Variants in SPAG16 observed in about 807,000 individuals in gnomAD.
The protein encoded by SPAG16 is sperm-associated antigen 16 protein.
In SPAG16, 86 loss-of-function variants were observed where a neutral mutation model predicts 80.4. The ratio of observed to expected loss-of-function variants is 1.07; its 90% CI spans 0.90 to 1.28. The LOEUF is 1.28. SPAG16 is among the 50% of genes most tolerant of loss of function. The pLI is 0.00. For missense variants in SPAG16, 870 were observed against 765.3 expected (o/e 1.14, Z -1.61); for synonymous variants, 294 against 265.9 (o/e 1.11, Z -1.03).
chr2:214,163,436 A>G lies in SPAG16; in HGVS notation c.1720+14170A>G, dbSNP rs182233243. ...TCATAATAGTTGCATTGTTTCCTAC[A>G]TCAGTATGCTTGCTTAGAAAAATTT... On this transcript the variant is annotated intron_variant, in intron 15 of 15. Coordinates refer to ENST00000331683, the MANE Select transcript of SPAG16 (RefSeq NM_024532.5). 1.7e-4 allele frequency among the ~76,000 whole-genome samples: 26 copies of G among 151,784 alleles called. No individual in the cohort carries two copies. The Middle Eastern group carries it at 0.037, about 218-fold the overall frequency.
intron 10 of SPAG16, among the ~76,000 whole-genome samples, chr2:213,609,451 G>A (rs927624952): frequency 6.6e-6 from 1 of 151,922 alleles, no homozygotes; most frequent in African/African-American, 2.4e-5. Flanking sequence ...TCCTCTTCGT[G>A]GTCTTTTAAA....
Position 214,006,602 on chromosome 2 carries a change from A to C in SPAG16, c.1401-7349A>C, listed in dbSNP as rs564783218. 7.0e-4 allele frequency among the ~76,000 whole-genome samples: 107 copies of C among 152,360 alleles called. 1 individual carries two copies. The highest frequency in any genetic ancestry group is 2.5e-3 in the African/African-American group (103 of 41,586). The stretch of plus-strand genomic sequence containing the variant: ...AAAATGATAGAAAAAAAAGATAAGA[A>C]ACAGAAAATTGCATGAGACTTCAGT... On this transcript the variant is annotated intron_variant, in intron 12 of 15. Transcript: ENST00000331683.
At position 213,930,118 on chromosome 2, in the gene SPAG16, A is replaced by T; in HGVS notation, c.1373A>T (p.Lys458Ile). ...TTTGTGGCTTCCTCCTCACTGGATA[A>T]AACTAGCAAAATTTGGGATGTTAAT... is the stretch of plus-strand genomic sequence containing the variant. ...GNFVASSSLD[K>I]TSKIWDVNSE... is the part of the protein sequence containing the mutation. Residue 458 changes from lysine to isoleucine, a missense_variant, in exon 12 of 16, where the codon AAA becomes ATA. By Grantham distance (102) the Lys-to-Ile change is moderately radical. Coordinates refer to ENST00000331683, the MANE Select transcript of SPAG16 (RefSeq NM_024532.5). 6.2e-7 allele frequency: 1 copy of T among 1,613,792 alleles called. No homozygotes were observed. Among genetic ancestry groups the T allele is most frequent in the Non-Finnish European group, 8.5e-7 (1 of 1,179,820 alleles).
At chr2:214,047,650 A>G (rs572711893) in intron 13 of SPAG16, among the ~76,000 whole-genome samples, 13 of 152,304 alleles carry the variant, frequency 8.5e-5, no homozygotes, top group African/African-American at 3.1e-4. Context: ...TTCTTGAGCA[A>G]TACCCTACAA....
At chr2:213,609,364 G>A (rs1559305986) in intron 10 of SPAG16, among the ~76,000 whole-genome samples, 2 of 152,152 alleles carry the variant, frequency 1.3e-5, no homozygotes, top group Admixed American at 1.3e-4. Context: ...CTAAAATTCT[G>A]TTTTAAGTAT....
intron 14 of SPAG16, among the ~76,000 whole-genome samples, chr2:214,139,829 G>A (rs2055258216): frequency 6.6e-6 from 1 of 152,098 alleles, no homozygotes; most frequent in Non-Finnish European, 1.5e-5. Flanking sequence ...CTCTAGCATA[G>A]CGTCACATGA....
At chr2:213,544,777 G>A (rs1037026481) in intron 10 of SPAG16, among the ~76,000 whole-genome samples, 22 of 151,952 alleles carry the variant, frequency 1.4e-4, no homozygotes, top group Non-Finnish European at 3.1e-4. Context: ...CATATAGTTT[G>A]TAGCCTTTTC....
intron 15 of SPAG16, among the ~76,000 whole-genome samples, chr2:214,347,785 T>A (rs1033592043): frequency 6.6e-6 from 1 of 152,130 alleles, no homozygotes. Context: ...CTAGAGGGGA[T>A]AGACAGTACA....
intron 9 of SPAG16, chr2:213,422,511 C>G: frequency 1.9e-6 from 1 of 516,120 alleles, no homozygotes; most frequent in East Asian, 3.0e-5. Flanking sequence ...AAGAGCTGAG[C>G]ACAGCCTACC....
intron 9 of SPAG16, among the ~76,000 whole-genome samples, chr2:213,475,200 A>G (rs554082479): frequency 2.0e-5 from 3 of 152,234 alleles, no homozygotes; most frequent in African/African-American, 7.2e-5. Flanking sequence ...AAGCCTCTAT[A>G]TAACTGTCCG....
intron 10 of SPAG16, among the ~76,000 whole-genome samples, chr2:213,535,474 C>G (rs185654564): frequency 6.6e-6 from 1 of 152,184 alleles, no homozygotes; most frequent in Non-Finnish European, 1.5e-5. Flanking sequence ...TTTTCCTTTG[C>G]ATTTATGCTA....
intron 14 of SPAG16, among the ~76,000 whole-genome samples, chr2:214,126,955 T>A (rs902908907): frequency 1.4e-4 from 22 of 151,884 alleles, no homozygotes; most frequent in Non-Finnish European, 2.8e-4. Context: ...AGTTGTAAAT[T>A]TTTTGTAGTA....
At chr2:213,419,688 A>G (rs527471534) in intron 9 of SPAG16, among the ~76,000 whole-genome samples, 5 of 152,344 alleles carry the variant, frequency 3.3e-5, no homozygotes, top group Middle Eastern at 6.8e-3. Flanking sequence ...TTCTTTGAAA[A>G]GAATTCACAT....
intron 13 of SPAG16, among the ~76,000 whole-genome samples, chr2:214,096,899 A>G (rs1014200380): frequency 6.6e-6 from 1 of 152,044 alleles, no homozygotes; most frequent in Admixed American, 6.6e-5. Flanking sequence ...TCTAATTTAT[A>G]TGCCAGTGAG....
At chr2:214,329,183 A>C (rs1417350646) in intron 15 of SPAG16, among the ~76,000 whole-genome samples, 2 of 152,266 alleles carry the variant, frequency 1.3e-5, no homozygotes, top group Non-Finnish European at 2.9e-5. Context: ...GGATGGCTCC[A>C]TCTCAAATCA....
intron 10 of SPAG16, among the ~76,000 whole-genome samples, chr2:213,843,825 T>C (rs995930742): frequency 6.6e-6 from 1 of 152,150 alleles, no homozygotes; most frequent in Admixed American, 6.5e-5. Context: ...CACTCCAGCC[T>C]GGGCGACAGA....
At chr2:214,124,669 G>T (rs1039071417) in intron 14 of SPAG16, among the ~76,000 whole-genome samples, 1 of 151,794 alleles carries the variant, frequency 6.6e-6, no homozygotes, top group Admixed American at 6.7e-5. Context: ...ATTGTATGTT[G>T]GTGGATGAAT....
intron 15 of SPAG16, among the ~76,000 whole-genome samples, chr2:214,186,443 G>A (rs1237244105): frequency 6.6e-6 from 1 of 152,164 alleles, no homozygotes; most frequent in Non-Finnish European, 1.5e-5. Flanking sequence ...TGAGAAGAAT[G>A]AGGAGTGAAG....
rs74953023 is a variant in SPAG16, at chr2:213,936,426, T to A, written c.1400+6281T>A. Among the ~76,000 whole-genome samples the A allele has an allele frequency of 7.3e-3, 1,114 of 152,296 alleles. 16 individuals carry two copies. The highest frequency in any genetic ancestry group is 0.025 in the African/African-American group (1,057 of 41,564). ...ACTCTAATAAGATGACTCTGGCTAC[T>A]GTTTTGAGATTAGATGGTGGCAGAG... On this transcript the variant is annotated intron_variant, in intron 12 of 15. Coordinates refer to ENST00000331683, the MANE Select transcript of SPAG16 (RefSeq NM_024532.5).
Sources: gnomAD v4.1 joint callset for allele counts (sites outside exome capture counted in the v4.1 genomes callset) on GRCh38, gnomAD v4.1.1 for gene constraint, MANE v1.5 for transcripts, NCBI Gene and HGNC (gene_info 2026-07-23, HGNC 2026-07-21) for gene names.